DCP1A: variants seen among roughly 807,000 people sequenced by gnomAD.
DCP1A encodes mRNA-decapping enzyme 1A.
Under a neutral mutation model 58.0 loss-of-function variants are expected in DCP1A, and 20 were observed. That is an observed-to-expected ratio of 0.34 (90% CI 0.24 to 0.50). The LOEUF (loss-of-function observed/expected upper bound fraction) is 0.50. Among genes scored for constraint, DCP1A ranks in the 20% least tolerant of loss-of-function variants. The pLI is 0.98. For missense variants in DCP1A, 613 were observed against 712.2 expected, an observed-to-expected ratio of 0.86 and a Z score of 1.59; for synonymous variants, 285 against 275.1, an observed-to-expected ratio of 1.04 and a Z score of -0.36.
At chr3:53,306,598 T>C (rs111255469) in intron 5 of DCP1A, among the ~76,000 whole-genome samples, 1,583 of 151,614 alleles carry the variant, frequency 0.01, 21 homozygotes, top group African/African-American at 0.036. Context: ...TGTGAAACCC[T>C]GTCTATACTA....
intron 5 of DCP1A, among the ~76,000 whole-genome samples, chr3:53,308,988 CCT>C (rs1359875990): frequency 1.1e-4 from 17 of 152,202 alleles, no homozygotes; most frequent in Admixed American, 9.2e-4. Flanking sequence ...TCCGCACCCC[CCT>C]GACCAAAATC....
At chr3:53,343,336 G>T (rs527363355) in intron 2 of DCP1A, among the ~76,000 whole-genome samples, 1 of 152,092 alleles carries the variant, frequency 6.6e-6, no homozygotes, top group East Asian at 1.9e-4. Context: ...TCCAAGGTAC[G>T]CAAAATAGTC....
At chr3:53,310,881 A>T (rs1707623179) in intron 5 of DCP1A, among the ~76,000 whole-genome samples, 1 of 152,336 alleles carries the variant, frequency 6.6e-6, no homozygotes, top group Admixed American at 6.5e-5. Flanking sequence ...TATGGTGAAC[A>T]TGCCTATTTT....
At chr3:53,291,162 A>C (rs1553685930) in intron 7 of DCP1A, among the ~76,000 whole-genome samples, 1 of 114,264 alleles carries the variant, frequency 8.8e-6, no homozygotes, top group African/African-American at 2.9e-5. Context: ...GTCTCTTATA[A>C]AAGCCAGAGA....
At position 53,292,214 on chromosome 3, in the gene DCP1A, C is replaced by G. The variant is rs781983049; in HGVS notation, c.1238G>C (p.Gly413Ala). 9.3e-6 allele frequency: 15 copies of G among 1,613,888 alleles called. No individual in the cohort carries two copies. The highest frequency in any genetic ancestry group is 1.7e-5 in the Admixed American group (1 of 60,000). ...QHDQIQTQPL[G>A]KGAMVASFSP... ...AAAGCTGGCTACCATTGCACCTTTCCCAAGTGGTTGTGTCTGTATTTGGTC... is the reference window on the plus strand; with the variant it reads ...AAAGCTGGCTACCATTGCACCTTTCGCAAGTGGTTGTGTCTGTATTTGGTC... Residue 413 changes from glycine (G) to alanine (A), a missense_variant, in exon 7 of 10, where the codon GGG (glycine) becomes GCG (alanine). By Grantham distance (60) the Gly-to-Ala change is moderately conservative. Coordinates refer to ENST00000610213, the MANE Select transcript of DCP1A (RefSeq NM_018403.7).
chr3:53,331,780 G>T (rs1405059919), intron 3 of DCP1A, among the ~76,000 whole-genome samples: 3 of 152,120 alleles, frequency 2.0e-5, no homozygotes, highest in Admixed American at 1.3e-4. Flanking sequence ...TAAGCACATA[G>T]ATATTAAAAA....
At chr3:53,333,511 T>G (rs564476848) in intron 3 of DCP1A, among the ~76,000 whole-genome samples, 7 of 152,110 alleles carry the variant, frequency 4.6e-5, no homozygotes, top group African/African-American at 1.4e-4. Context: ...CCAATAACTT[T>G]TATTGTCTGT....
chr3:53,298,723 C>T (rs532910520), intron 6 of DCP1A, among the ~76,000 whole-genome samples: 15 of 152,182 alleles, frequency 9.9e-5, no homozygotes, highest in Non-Finnish European at 1.9e-4. Context: ...AAAACAGGTA[C>T]AGCTAAGGTT....
intron 3 of DCP1A, among the ~76,000 whole-genome samples, chr3:53,320,972 C>T (rs1707948065): frequency 6.6e-6 from 1 of 152,268 alleles, no homozygotes; most frequent in South Asian, 2.1e-4. Context: ...ACGCAGAAGT[C>T]CCCTGGCGGC....
intron 3 of DCP1A, among the ~76,000 whole-genome samples, chr3:53,320,571 T>C (rs1350787352): frequency 3.3e-5 from 5 of 152,212 alleles, no homozygotes; most frequent in African/African-American, 9.7e-5. Context: ...TAAAACTTTT[T>C]ATTTTGAAAT....
At chr3:53,300,278 G>A (rs1447167905) in intron 6 of DCP1A, among the ~76,000 whole-genome samples, 1 of 151,982 alleles carries the variant, frequency 6.6e-6, no homozygotes, top group Non-Finnish European at 1.5e-5. Flanking sequence ...ATTGTTGAAA[G>A]GCTTAGCATC....
chr3:53,336,738 G>A (rs1248857649), intron 3 of DCP1A, among the ~76,000 whole-genome samples: 3 of 152,136 alleles, frequency 2.0e-5, no homozygotes, highest in African/African-American at 7.2e-5. Flanking sequence ...CTTGACCTGG[G>A]TAAGAAATGA....
rs1459212304 is a variant in DCP1A, at chr3:53,292,660, C to T, written c.792G>A (p.Gln264=). 1 of 1,613,600 alleles carries T rather than the reference C, an allele frequency of 6.2e-7. No individual in the cohort carries two copies. Among genetic ancestry groups the T allele is most frequent in the Non-Finnish European group, 8.5e-7 (1 of 1,179,784 alleles). The change falls in exon 7 of 10, where the codon CAG becomes CAA. Residue 264 remains glutamine (Q), a synonymous_variant. Transcript: ENST00000610213. ...TTTCTGATTGAGGGGCTCCTCCTAA[C>T]TGCTCAAAGGGAAATGGTAGGAATG... The part of the protein sequence containing the change: ...PNSFLPFPFE[Q]LGGAPQSETL...
At chr3:53,313,951 C>T (rs532962657) in intron 4 of DCP1A, among the ~76,000 whole-genome samples, 1 of 152,102 alleles carries the variant, frequency 6.6e-6, no homozygotes, top group African/African-American at 2.4e-5. Context: ...CCTGGCTGGT[C>T]CCAAAACTCC....
chr3:53,322,328 T>A (rs1369293856), intron 3 of DCP1A, among the ~76,000 whole-genome samples: 16 of 151,950 alleles, frequency 1.1e-4, no homozygotes, highest in Non-Finnish European at 1.8e-4. Flanking sequence ...GGTGGATGCC[T>A]GTAATTCCAG....
At chr3:53,307,374 T>G (rs1707508462) in intron 5 of DCP1A, among the ~76,000 whole-genome samples, 2 of 152,282 alleles carry the variant, frequency 1.3e-5, no homozygotes, top group East Asian at 3.9e-4. Context: ...TGGATAAGGT[T>G]GCAAAACCTT....
chr3:53,311,595 T>C (rs1707646683), intron 5 of DCP1A, among the ~76,000 whole-genome samples: 1 of 152,218 alleles, frequency 6.6e-6, no homozygotes, highest in African/African-American at 2.4e-5. Context: ...GCCTCTCATT[T>C]GGGTAAAATT....
intron 4 of DCP1A, among the ~76,000 whole-genome samples, chr3:53,312,966 T>C (rs1342925777): frequency 1.3e-5 from 2 of 152,156 alleles, no homozygotes; most frequent in African/African-American, 4.8e-5. Context: ...CACTAAGGTT[T>C]CTCCCTTTTT....
At chr3:53,315,277 C>G (rs1219183084) in intron 4 of DCP1A, among the ~76,000 whole-genome samples, 1 of 152,000 alleles carries the variant, frequency 6.6e-6, no homozygotes, top group Non-Finnish European at 1.5e-5. Flanking sequence ...TGGTGGCTCA[C>G]GCCTGTAATC....
Sources: gnomAD v4.1 joint callset for allele counts (sites outside exome capture counted in the v4.1 genomes callset) on GRCh38, gnomAD v4.1.1 for gene constraint, MANE v1.5 for transcripts, NCBI Gene and HGNC (gene_info 2026-07-23, HGNC 2026-07-21) for gene names.